The following MED25 variants were observed in gnomAD, a reference collection of about 807,000 sequenced individuals.
MED25 encodes mediator of RNA polymerase II transcription subunit 25.
Under a neutral mutation model 89.4 loss-of-function variants are expected in MED25, and 62 were observed. That is an observed-to-expected ratio of 0.69 (90% CI 0.57 to 0.86). The LOEUF (loss-of-function observed/expected upper bound fraction) is 0.86. MED25 is among the 40% of genes least tolerant of loss of function. The pLI is 0.00. For missense variants in MED25, 905 were observed against 1,005.2 expected, an observed-to-expected ratio of 0.90 and a Z score of 1.35; for synonymous variants, 449 against 427.9, an observed-to-expected ratio of 1.05 and a Z score of -0.61.
Position 49,829,894 on chromosome 19 carries a change from G to C in MED25, c.634G>C (p.Asp212His), listed in dbSNP as rs765386229. ...ALLEPLQPPT[D>H]VSQDPRHMVL... Reference sequence around the variant, plus strand: ...GCTGGAGCCGCTGCAGCCTCCGACAGATGTGAGCCAGGACCCGAGGCACAT... The same window carrying C: ...GCTGGAGCCGCTGCAGCCTCCGACACATGTGAGCCAGGACCCGAGGCACAT... Residue 212 changes from aspartate (D) to histidine (H), a missense_variant, in exon 6 of 18, where the codon GAT becomes CAT. Physicochemically the swap from Asp to His is moderately conservative, Grantham distance 81. This residue lies in a region of MED25 where 501 missense variants were observed against 526.9 expected (regional missense o/e 0.95). Coordinates refer to ENST00000312865, the MANE Select transcript of MED25 (RefSeq NM_030973.4). The surrounding 1 kb of genome is among the most constrained non-coding windows in gnomAD (Gnocchi z 4.6). The C allele has an allele frequency of 6.2e-7, 1 of 1,613,432 alleles. No individual in the cohort carries two copies. The highest frequency in any genetic ancestry group is 8.5e-7 in the Non-Finnish European group (1 of 1,179,968).
At chr19:49,825,097 C>G (rs968241071) in intron 3 of MED25, among the ~76,000 whole-genome samples, 1 of 152,138 alleles carries the variant, frequency 6.6e-6, no homozygotes, top group African/African-American at 2.4e-5. Flanking sequence ...TTCTTCTGTT[C>G]AAGTTTTCCA....
rs377259236 is a variant in MED25 at position 49,830,748 on chromosome 19, G to C, written c.962G>C (p.Ser321Thr). ...GCTCCCGGAGTGGGTCCCCCCTTCA[G>C]CCAGGCCCCAGCTCCCCAACTACCC... Reference protein sequence around the residue: ...QAAPGVGPPFSQAPAPQLPPG... With the variant: ...QAAPGVGPPFTQAPAPQLPPG... Residue 321 changes from serine to threonine, a missense_variant, in exon 9 of 18, where the codon AGC (serine) becomes ACC (threonine). By Grantham distance (58) the Ser-to-Thr change is moderately conservative (BLOSUM62 1). Transcript: ENST00000312865. This position sits in a 1 kb window ranked among gnomAD's most constrained non-coding sequence, Gnocchi z 4.6. 37 of 1,613,608 alleles carry C rather than the reference G, an allele frequency of 2.3e-5. 3 individuals carry two copies. The Admixed American group carries it at 2.7e-4, about 12-fold the overall frequency.
chr19:49,830,922 C>CCTCCTGCCCCTGCTCCTTA lies in MED25; in HGVS notation c.1101+42_1101+43insCCCTGCTCCTTACTCCTGC. On this transcript the variant is annotated intron_variant, in intron 9 of 17. Coordinates refer to ENST00000312865, the MANE Select transcript of MED25 (RefSeq NM_030973.4). The surrounding 1 kb of genome is among the most constrained non-coding windows in gnomAD (Gnocchi z 4.6). ...TGCACGCCTCCTGCCCCTGCTCCTT[C>CCTCCTGCCCCTGCTCCTTA]CTCCTGCTGTCCACAGCTAGGACAG... is the stretch of plus-strand genomic sequence containing the variant. The CCTCCTGCCCCTGCTCCTTA allele has an allele frequency of 6.3e-7, 1 of 1,590,340 alleles. No individual in the cohort carries two copies. Among genetic ancestry groups the CCTCCTGCCCCTGCTCCTTA allele is most frequent in the Non-Finnish European group, 8.6e-7 (1 of 1,168,346 alleles).
intron 3 of MED25, among the ~76,000 whole-genome samples, chr19:49,826,162 A>G (rs933538972): frequency 6.6e-6 from 1 of 151,872 alleles, no homozygotes; most frequent in African/African-American, 2.4e-5. Context: ...AACACCGTGA[A>G]ACCCCGTCTC....
At chr19:49,821,263 G>A (rs1600315295) in intron 3 of MED25, among the ~76,000 whole-genome samples, 1 of 152,304 alleles carries the variant, frequency 6.6e-6, no homozygotes, top group East Asian at 1.9e-4. Context: ...ACCCAATAGA[G>A]AGAGCAAAGA....
In MED25 at chr19:49,836,686, C is replaced by T. The variant is rs755448592; in HGVS notation, c.2147-161C>T. 1.4e-6 allele frequency: 1 copy of T among 740,432 alleles called. No individual in the cohort carries two copies. The highest frequency in any genetic ancestry group is 2.5e-6 in the Non-Finnish European group (1 of 407,844). The allele number at this position is 740,432 out of a possible 1,614,324, so 45.9% of individuals were successfully genotyped here. A position where few individuals can be genotyped will look rare whatever the true frequency, so the allele number is the denominator to read the frequency against. ...CCAGAGAAGTAGTTTTGGAGAAGGG[C>T]CCCCAAAGGCTCATGGGAAACAGCA... On this transcript the variant is annotated intron_variant, in intron 17 of 17. Transcript: ENST00000312865. This position sits in a 1 kb window ranked among gnomAD's most constrained non-coding sequence, Gnocchi z 5.1.
chr19:49,829,001 T>G lies in MED25; in HGVS notation c.436T>G (p.Cys146Gly), dbSNP rs1266376357. ...GACGCACCGGGTCTGCCTCCTCATC[T>G]GCAACTCACCCCCATACTTGTTGCC... ...GQTHRVCLLI[C>G]NSPPYLLPAV... The change falls in exon 5 of 18, where the codon TGC becomes GGC. Residue 146 changes from cysteine (C) to glycine (G), a missense_variant. Physicochemically the swap from Cys to Gly is radical, Grantham distance 159. This residue lies in a region of MED25 where 501 missense variants were observed against 526.9 expected (regional missense o/e 0.95). Transcript: ENST00000312865. The surrounding 1 kb of genome is among the most constrained non-coding windows in gnomAD (Gnocchi z 4.6). 1.9e-6 allele frequency: 3 copies of G among 1,614,046 alleles called. No homozygotes were observed. Among genetic ancestry groups the G allele is most frequent in the Non-Finnish European group, 2.5e-6 (3 of 1,180,018 alleles).
Position 49,831,333 on chromosome 19 carries a change from G to T in MED25, c.1102G>T (p.Ala368Ser). The T allele has an allele frequency of 6.2e-7, 1 of 1,610,648 alleles. No individual in the cohort carries two copies. Among genetic ancestry groups the T allele is most frequent in the South Asian group, 1.1e-5 (1 of 90,034 alleles). The change falls in exon 10 of 18, where the codon GCA (alanine) becomes TCA (serine). Residue 368 changes from alanine to serine, a missense_variant and splice_region_variant. Around this residue, in one of 3 missense-constraint regions of MED25, gnomAD observed 501 missense variants for 526.9 expected, o/e 0.95. Coordinates refer to ENST00000312865, the MANE Select transcript of MED25 (RefSeq NM_030973.4). This position sits in a 1 kb window ranked among gnomAD's most constrained non-coding sequence, Gnocchi z 5.0. ...GGCCCTCCTTCCTCCCCTCTGGCAGGCAGGCACTGTGGCCCCAGGAGGGGT... is the reference window on the plus strand; with the variant it reads ...GGCCCTCCTTCCTCCCCTCTGGCAGTCAGGCACTGTGGCCCCAGGAGGGGT... ...PTAQPGAPSM[A>S]GTVAPGGVSG...
intron 3 of MED25, among the ~76,000 whole-genome samples, chr19:49,823,386 G>A (rs1028325610): frequency 2.0e-5 from 3 of 152,172 alleles, no homozygotes; most frequent in East Asian, 3.9e-4. Context: ...GCTGGGTACC[G>A]CAACCTCACA....
At chr19:49,823,734 A>G (rs2073998426) in intron 3 of MED25, among the ~76,000 whole-genome samples, 1 of 152,160 alleles carries the variant, frequency 6.6e-6, no homozygotes, top group African/African-American at 2.4e-5. Flanking sequence ...TGAAAAGGTG[A>G]CACAGAAGCT....
At position 49,831,396 on chromosome 19, in the gene MED25, C is replaced by T; in HGVS notation, c.1165C>T (p.Leu389Phe). The T allele has an allele frequency of 6.2e-7, 1 of 1,611,348 alleles. No individual in the cohort carries two copies. The stretch of plus-strand genomic sequence containing the variant: ...CCCAGCCCAGCTGGGAGCCCCAGCC[C>T]TCGGTGGGCAGCAGTCAGTCTCCAA... ...PSPAQLGAPA[L>F]GGQQSVSNKL... The change falls in exon 10 of 18, where the codon CTC becomes TTC. Residue 389 changes from leucine to phenylalanine, a missense_variant. Around this residue, in one of 3 missense-constraint regions of MED25, gnomAD observed 501 missense variants for 526.9 expected, o/e 0.95. Transcript: ENST00000312865. This position sits in a 1 kb window ranked among gnomAD's most constrained non-coding sequence, Gnocchi z 5.0.
chr19:49,832,217 C>G (rs1482488892), intron 12 of MED25, 60 bp downstream of exon 12: 3 of 1,581,740 alleles, frequency 1.9e-6, no homozygotes, highest in Non-Finnish European at 2.6e-6. Flanking sequence ...CTGTCTCTTT[C>G]CTGTTCCCTG....
At chr19:49,819,009 C>G (rs556848735) in intron 2 of MED25, 163 bp from the exon 3 acceptor site, 350 of 884,824 alleles carry the variant, frequency 4.0e-4, no homozygotes, top group Non-Finnish European at 5.8e-4. Flanking sequence ...ATTCCTGGGT[C>G]TGAGGGAGAA....
Position 49,834,425 on chromosome 19 carries a change from T to G in MED25, c.1483-561T>G, listed in dbSNP as rs962169452. 17 of 171,994 alleles carry G rather than the reference T, an allele frequency of 9.9e-5. No individual in the cohort carries two copies. The highest frequency in any genetic ancestry group is 4.0e-4 in the African/African-American group (17 of 41,978). The allele number at this position is 171,994 out of a possible 1,614,324, so 10.7% of individuals were successfully genotyped here. A position where few individuals can be genotyped will look rare whatever the true frequency, so the allele number is the denominator to read the frequency against. ...CATGTGTTACCCCCCTGATGACCAGTGATGTTTCCTGGGTGCTTCCTGTGG... is the reference window on the plus strand; with the variant it reads ...CATGTGTTACCCCCCTGATGACCAGGGATGTTTCCTGGGTGCTTCCTGTGG... On this transcript the variant is annotated intron_variant, in intron 13 of 17. Coordinates refer to ENST00000312865, the MANE Select transcript of MED25 (RefSeq NM_030973.4). The surrounding 1 kb of genome is among the most constrained non-coding windows in gnomAD (Gnocchi z 4.1).
Position 49,828,421 on chromosome 19 carries a change from CT to C in MED25, c.306-27del, listed in dbSNP as rs5828413. 824,074 of 1,561,670 alleles carry C rather than the reference CT, an allele frequency of 0.53. 219,482 individuals are homozygous for C. The highest frequency in any genetic ancestry group is 0.6 in the Admixed American group (36,039 of 59,918). ...CCTGGGGATGGGGATGATGGCAACCCTGGGGGCTGACCGCTCTGCCCCTGCA... is the reference window on the plus strand; with the variant it reads ...CCTGGGGATGGGGATGATGGCAACCCGGGGGCTGACCGCTCTGCCCCTGCA... On this transcript the variant is annotated intron_variant, in intron 3 of 17. Coordinates refer to ENST00000312865, the MANE Select transcript of MED25 (RefSeq NM_030973.4).
Position 49,835,750 on chromosome 19 carries a change from C to A in MED25, c.1770C>A (p.Pro590=). The stretch of plus-strand genomic sequence containing the variant: ...AGCTCCAGCTCCGCCCACCGCAGCC[C>A]CAGCCTCAGGGTACCGTAGGGGCCT... ...QNLLQLRPPQ[P]QPQGTVGASG... is the part of the protein sequence containing the mutation. The change falls in exon 16 of 18, where the codon CCC becomes CCA. Residue 590 remains proline (P), a synonymous_variant. Coordinates refer to ENST00000312865, the MANE Select transcript of MED25 (RefSeq NM_030973.4). This position sits in a 1 kb window ranked among gnomAD's most constrained non-coding sequence, Gnocchi z 6.2. 6.2e-7 allele frequency: 1 copy of A among 1,610,924 alleles called. No homozygotes were observed. Among genetic ancestry groups the A allele is most frequent in the Non-Finnish European group, 8.5e-7 (1 of 1,179,002 alleles).
Position 49,830,086 on chromosome 19 carries a change from A to C in MED25, c.689-2A>C, listed in dbSNP as rs755930027. ...GGGGTTGGCCATCCCTCCTGCTCTC[A>C]GTTGGGGGTGGCTCAGCCCCAGGCC... On this transcript the variant is annotated splice_acceptor_variant, in intron 6 of 17. Transcript: ENST00000312865. LOFTEE classifies it high-confidence loss of function. This position sits in a 1 kb window ranked among gnomAD's most constrained non-coding sequence, Gnocchi z 4.6. 2 of 1,605,594 alleles carry C rather than the reference A, an allele frequency of 1.2e-6. No individual in the cohort carries two copies. Among genetic ancestry groups the C allele is most frequent in the Non-Finnish European group, 1.7e-6 (2 of 1,176,790 alleles).
downstream of MED25, chr19:49,839,190 A>C (rs1600334978): frequency 5.1e-6 from 1 of 197,044 alleles, no homozygotes; most frequent in East Asian, 1.3e-4. Context: ...CATGGTGCCA[A>C]GGCAGGCCCA....
chr19:49,828,620 G>A (rs931353887), intron 4 of MED25, 73 bp downstream of exon 4: 1 of 1,253,700 alleles, frequency 8.0e-7, no homozygotes, highest in African/African-American at 1.5e-5. Context: ...CTGTCGAGTG[G>A]TTCTACCTCC....
Sources: allele counts gnomAD v4.1 joint callset (sites outside exome capture counted in the v4.1 genomes callset), GRCh38; gene constraint gnomAD v4.1.1; regional missense constraint gnomAD v4.1.1; non-coding constraint Gnocchi (gnomAD v3.1); transcripts MANE v1.5; gene names NCBI Gene and HGNC (gene_info 2026-07-23, HGNC 2026-07-21).